Variants in FRMPD4 observed in about 807,000 individuals in gnomAD.
The protein encoded by FRMPD4 is FERM and PDZ domain-containing protein 4.
Under a neutral mutation model 94.1 loss-of-function variants are expected in FRMPD4, and 22 were observed. The ratio of observed to expected loss-of-function variants is 0.23; its 90% confidence interval spans 0.17 to 0.33. The LOEUF is 0.33. Among genes scored for constraint, FRMPD4 ranks in the 10% least tolerant of loss-of-function variants. The probability of loss-of-function intolerance (pLI) is 1.00; values close to 1 mark genes in which losing one functional copy is unlikely to be tolerated. For synonymous variants in FRMPD4, 631 were observed against 548.6 expected (o/e 1.15, Z -2.10); for missense variants, 1,111 against 1,339.9 (o/e 0.83, Z 2.67).
chrX:12,316,109 C>T (rs1229755333), intron 1 of FRMPD4, among the ~76,000 whole-genome samples: 2 of 111,852 alleles, frequency 1.8e-5, no homozygotes, highest in African/African-American at 6.5e-5. Context: ...ATTTACTAAA[C>T]TGGGTGAATT....
chrX:12,231,048 A>ATATATAT (rs1387528584), intron 1 of FRMPD4, among the ~76,000 whole-genome samples: 1 of 31,837 alleles, frequency 3.1e-5, no homozygotes, highest in African/African-American at 1.0e-4. Context: ...ATATATATAT[A>ATATATAT]AAATATATAT....
chrX:12,139,550 T>G (rs143568147), intron 1 of FRMPD4, among the ~76,000 whole-genome samples: 6,831 of 95,096 alleles, frequency 0.072, 286 homozygotes, highest in African/African-American at 0.12. Context: ...CTTTTTTTTT[T>G]TGGGGGGGGG....
intron 3 of FRMPD4, among the ~76,000 whole-genome samples, chrX:12,074,906 G>T (rs1444959303): frequency 8.9e-6 from 1 of 112,282 alleles, no homozygotes; most frequent in Non-Finnish European, 1.9e-5. Flanking sequence ...TACAGTATTT[G>T]TAAAGGGAAG....
chrX:12,335,263 A>G, intron 1 of FRMPD4, among the ~76,000 whole-genome samples: 1 of 109,941 alleles, frequency 9.1e-6, no homozygotes, highest in East Asian at 2.9e-4. Context: ...ATTAGCTGGG[A>G]CTACAGGCAT....
chrX:12,003,386 A>AGT (rs34756228), intron 3 of FRMPD4, among the ~76,000 whole-genome samples: 14,239 of 101,969 alleles, frequency 0.14, 886 homozygotes, highest in Non-Finnish European at 0.19. Flanking sequence ...CAGTTTGGCA[A>AGT]GTGTGTGTGT....
chrX:12,187,427 A>G, intron 1 of FRMPD4, among the ~76,000 whole-genome samples: 1 of 112,040 alleles, frequency 8.9e-6, no homozygotes, highest in Non-Finnish European at 1.9e-5. Context: ...TGACTTGATA[A>G]TACTGGTCAG....
In FRMPD4 at chrX:12,563,239, T is replaced by TACACACACACAC. The variant is rs369700317; in HGVS notation, c.159-46458_159-46447dup. Among the ~76,000 whole-genome samples the TACACACACACAC allele has an allele frequency of 9.1e-3, 888 of 97,275 alleles. 9 individuals carry two copies. Among genetic ancestry groups the TACACACACACAC allele is most frequent in the African/African-American group, 0.028 (725 of 25,853 alleles). 84.5% of individuals were successfully genotyped at this position (97,275 alleles called of 115,157 possible). On this transcript the variant is annotated intron_variant, in intron 2 of 16. Transcript: ENST00000675598. ...TCACAATTTTATGCATGTAAGTGTG[T>TACACACACACAC]ACACACACACACACACACACACACA... is the stretch of plus-strand genomic sequence containing the variant.
intron 3 of FRMPD4, among the ~76,000 whole-genome samples, chrX:12,051,408 T>C (rs963692239): frequency 9.0e-6 from 1 of 111,618 alleles, no homozygotes; most frequent in Non-Finnish European, 1.9e-5. Flanking sequence ...ATGATAGTAG[T>C]GGGGAAATGT....
chrX:11,897,868 G>T (rs749208482), intron 3 of FRMPD4, among the ~76,000 whole-genome samples: 1 of 111,898 alleles, frequency 8.9e-6, no homozygotes, highest in South Asian at 3.8e-4. Flanking sequence ...GTAAAACCGG[G>T]GCTGGCTAAG....
At chrX:12,579,221 G>A (rs779206985) in intron 2 of FRMPD4, among the ~76,000 whole-genome samples, 13 of 111,980 alleles carry the variant, frequency 1.2e-4, no homozygotes, top group African/African-American at 3.2e-4. Context: ...TCTCAAAATC[G>A]GTTTTTTCCA....
In FRMPD4 at chrX:12,716,061, C is replaced by T; in HGVS notation, c.1610-8C>T. 1.1e-6 allele frequency: 1 copy of T among 871,849 alleles called. No homozygotes were observed. Among genetic ancestry groups the T allele is most frequent in the African/African-American group, 2.3e-5 (1 of 42,904 alleles). The allele number at this position is 871,849 out of a possible 1,213,427, so 71.9% of individuals were successfully genotyped here. On this transcript the variant is annotated splice_polypyrimidine_tract_variant and splice_region_variant and intron_variant, in intron 14 of 16. Transcript: ENST00000675598. ...GTAATGTGTCTTTGCGTGATTCTTTCTCTTTAGGACCTGAAAACAAGGGGA... is the reference window on the plus strand; with the variant it reads ...GTAATGTGTCTTTGCGTGATTCTTTTTCTTTAGGACCTGAAAACAAGGGGA...
chrX:12,576,930 A>C (rs868046583), intron 2 of FRMPD4, among the ~76,000 whole-genome samples: 1 of 112,094 alleles, frequency 8.9e-6, no homozygotes, highest in Non-Finnish European at 1.9e-5. Context: ...GACTGGTCAG[A>C]GGTCTTTGAG....
At chrX:12,578,238 G>T (rs1310340562) in intron 2 of FRMPD4, among the ~76,000 whole-genome samples, 1 of 112,837 alleles carries the variant, frequency 8.9e-6, no homozygotes, top group African/African-American at 3.2e-5. Context: ...TGGGTCAGAG[G>T]ATTATGCCTG....
At chrX:12,436,740 A>G (rs1181623570) in intron 1 of FRMPD4, among the ~76,000 whole-genome samples, 2 of 111,497 alleles carry the variant, frequency 1.8e-5, no homozygotes, top group African/African-American at 6.5e-5. Context: ...CTGATACATA[A>G]CAGATGCATA....
chrX:12,569,491 A>G (rs2058742074), intron 2 of FRMPD4, among the ~76,000 whole-genome samples: 1 of 111,393 alleles, frequency 9.0e-6, no homozygotes, highest in Admixed American at 9.5e-5. Context: ...TATTTTATTC[A>G]CCTATATCAA....
At chrX:12,575,868 C>T (rs1300934431) in intron 2 of FRMPD4, among the ~76,000 whole-genome samples, 2 of 111,966 alleles carry the variant, frequency 1.8e-5, no homozygotes, top group South Asian at 3.8e-4. Flanking sequence ...AGGAAACAGA[C>T]TCCCCCCTAG....
intron 2 of FRMPD4, among the ~76,000 whole-genome samples, chrX:12,499,345 A>C (rs900385555): frequency 8.9e-6 from 1 of 112,189 alleles, no homozygotes; most frequent in Non-Finnish European, 1.9e-5. Context: ...TGGTATAGAG[A>C]GAGAGAGAAA....
At chrX:12,398,705 A>T (rs932766835) in intron 1 of FRMPD4, among the ~76,000 whole-genome samples, 21 of 111,718 alleles carry the variant, frequency 1.9e-4, no homozygotes, top group African/African-American at 6.8e-4. Context: ...TTACAAAAAA[A>T]TTATCAAGGG....
chrX:12,598,574 G>A (rs930881702), intron 2 of FRMPD4, among the ~76,000 whole-genome samples: 3 of 111,647 alleles, frequency 2.7e-5, no homozygotes, highest in African/African-American at 9.8e-5. Flanking sequence ...GCTGCTGGTG[G>A]GGTTGAGGGC....
Sources: gnomAD v4.1 joint callset for allele counts (sites outside exome capture counted in the v4.1 genomes callset) on GRCh38, gnomAD v4.1.1 for gene constraint, MANE v1.5 for transcripts, NCBI Gene and HGNC (gene_info 2026-07-23, HGNC 2026-07-21) for gene names.